The following STK24 variants were observed in gnomAD, a reference collection of about 807,000 sequenced individuals.
STK24 encodes the protein serine/threonine-protein kinase 24.
In STK24, 21 loss-of-function variants were observed where a neutral mutation model predicts 55.6. That is an observed-to-expected ratio of 0.38 (90% CI 0.27 to 0.54). The LOEUF is 0.54. Ranked by LOEUF, STK24 falls within the 20% of genes least tolerant of loss-of-function variation. STK24 has a pLI of 0.79. For missense variants in STK24, 383 were observed against 538.4 expected (o/e 0.71, Z 2.86); for synonymous variants, 200 against 215.2 (o/e 0.93, Z 0.62).
In STK24 at chr13:98,532,065, C is replaced by T. The variant is rs561028233; in HGVS notation, c.43-12592G>A. On this transcript the variant is annotated intron_variant, in intron 1 of 10. Transcript: ENST00000539966. ...AATCTTTGGGGAAGGGCCCCACCCC[C>T]CATCAGCTTAGTTAAGCTAACCAGA... Among the ~76,000 whole-genome samples the T allele has an allele frequency of 2.0e-5, 3 of 152,298 alleles. No individual in the cohort carries two copies. The South Asian group carries it at 6.2e-4, about 32-fold the overall frequency.
chr13:98,555,959 G>C (rs12863303), intron 1 of STK24, among the ~76,000 whole-genome samples: 98 of 151,594 alleles, frequency 6.5e-4, no homozygotes, highest in Non-Finnish European at 1.3e-3. Context: ...TGGGATTACA[G>C]GCGTGAGCCA....
At chr13:98,486,054 C>T (rs768140918) in intron 2 of STK24, among the ~76,000 whole-genome samples, 5 of 151,960 alleles carry the variant, frequency 3.3e-5, no homozygotes, top group African/African-American at 4.8e-5. Context: ...TGGGGCCTGT[C>T]GGAGGGTGGT....
At chr13:98,460,311 G>T (rs1466350387) in intron 9 of STK24, 61 bp downstream of exon 9, 2 of 1,455,082 alleles carry the variant, frequency 1.4e-6, no homozygotes, top group African/African-American at 1.4e-5. Flanking sequence ...CACCACTGAA[G>T]TGTGTCCAGC....
At chr13:98,529,975 C>T (rs1314717212) in intron 1 of STK24, among the ~76,000 whole-genome samples, 1 of 152,140 alleles carries the variant, frequency 6.6e-6, no homozygotes, top group Non-Finnish European at 1.5e-5. Context: ...GGAAAGAAGG[C>T]TCTACTCCAC....
chr13:98,460,375 T>C lies in STK24; in HGVS notation c.1119A>G (p.Ala373=), dbSNP rs759086863. The C allele has an allele frequency of 2.5e-6, 4 of 1,612,980 alleles. No homozygotes were observed. The highest frequency in any genetic ancestry group is 2.7e-5 in the African/African-American group (2 of 74,870). ...AAAAGGCCAGCCAGGTACCTACCTC[T>C]GCAAACAGAGGAGAAATAATTGTAG... The part of the protein sequence containing the change: ...CLSTIISPLF[A]ELKEKSQACG... The change falls in exon 9 of 11, where the codon GCA becomes GCG. Residue 373 remains alanine (A), a synonymous_variant. Coordinates refer to ENST00000539966, the MANE Select transcript of STK24 (RefSeq NM_001032296.4).
At chr13:98,509,812 A>G (rs745940112) in intron 2 of STK24, among the ~76,000 whole-genome samples, 18 of 151,272 alleles carry the variant, frequency 1.2e-4, no homozygotes, top group Non-Finnish European at 2.1e-4. Flanking sequence ...TCCCTCTTAT[A>G]TAATGTATAC....
In STK24 at chr13:98,464,545, G is replaced by A. The variant is rs1444978895; in HGVS notation, c.784-709C>T. Among the ~76,000 whole-genome samples, 7 of 140,102 alleles carry A rather than the reference G, an allele frequency of 5.0e-5. No individual in the cohort carries two copies. The South Asian group carries it at 7.0e-4, about 14-fold the overall frequency. 91.9% of individuals were successfully genotyped at this position (140,102 alleles called of 152,430 possible). On this transcript the variant is annotated intron_variant, in intron 6 of 10. Coordinates refer to ENST00000539966, the MANE Select transcript of STK24 (RefSeq NM_001032296.4). The stretch of plus-strand genomic sequence containing the variant: ...CAGTTTTGCTCTTGTTGCCCAGGCT[G>A]GAGTGCAGTGGCACGATTTCGGCTC...
At chr13:98,506,421 G>A (rs1895682166) in intron 2 of STK24, among the ~76,000 whole-genome samples, 1 of 152,212 alleles carries the variant, frequency 6.6e-6, no homozygotes, top group South Asian at 2.1e-4. Context: ...AACATCCACA[G>A]GTGAGGAACA....
chr13:98,462,362 C>A (rs1174613499), intron 7 of STK24, among the ~76,000 whole-genome samples: 1 of 152,106 alleles, frequency 6.6e-6, no homozygotes, highest in Non-Finnish European at 1.5e-5. Context: ...TATTTGGTAC[C>A]CTCCACTCGC....
At chr13:98,551,875 T>A (rs1476273194) in intron 1 of STK24, among the ~76,000 whole-genome samples, 4 of 152,178 alleles carry the variant, frequency 2.6e-5, no homozygotes, top group Non-Finnish European at 5.9e-5. Context: ...GAAATGAGCA[T>A]CATGTCTCAT....
At chr13:98,524,005 G>C (rs1896347382) in intron 1 of STK24, among the ~76,000 whole-genome samples, 2 of 152,178 alleles carry the variant, frequency 1.3e-5, no homozygotes, top group African/African-American at 4.8e-5. Flanking sequence ...AATTCTTGTT[G>C]AGCTGAGGCT....
intron 1 of STK24, among the ~76,000 whole-genome samples, chr13:98,564,376 C>G (rs138521051): frequency 3.9e-5 from 6 of 152,194 alleles, no homozygotes; most frequent in Admixed American, 1.3e-4. Context: ...CTTCCCCTTA[C>G]GAGGGCTCCC....
intron 2 of STK24, among the ~76,000 whole-genome samples, chr13:98,495,703 C>T (rs1257138206): frequency 1.3e-5 from 2 of 152,222 alleles, no homozygotes; most frequent in Admixed American, 1.3e-4. Flanking sequence ...TCCTCGGACA[C>T]ATTTCAAAGC....
chr13:98,522,131 T>C (rs79401254), intron 1 of STK24: 41,162 of 1,232,442 alleles, frequency 0.033, 816 homozygotes, highest in South Asian at 0.055. Flanking sequence ...TGTCTGAGCC[T>C]TGTCAACCAC....
intron 1 of STK24, among the ~76,000 whole-genome samples, chr13:98,576,539 C>T (rs567601438): frequency 1.1e-3 from 170 of 152,182 alleles, no homozygotes; most frequent in African/African-American, 4.0e-3. Context: ...GGCTCCTGCA[C>T]GCACACGCCG....
chr13:98,467,597 T>C (rs903972081), intron 5 of STK24, among the ~76,000 whole-genome samples: 2 of 152,142 alleles, frequency 1.3e-5, no homozygotes, highest in Non-Finnish European at 2.9e-5. Flanking sequence ...GCTGATGTCA[T>C]TTACTGTGTC....
intron 10 of STK24, chr13:98,455,365 C>CAAGT (rs1452896752): frequency 6.6e-6 from 1 of 152,162 alleles, no homozygotes; most frequent in East Asian, 1.9e-4. Context: ...CTCAGCCTCC[C>CAAGT]AAGTAGCTAG....
intron 2 of STK24, among the ~76,000 whole-genome samples, chr13:98,495,199 C>G (rs1490823266): frequency 6.6e-6 from 1 of 152,200 alleles, no homozygotes; most frequent in Admixed American, 6.5e-5. Flanking sequence ...TCATGCTGTC[C>G]TACAAGAACT....
chr13:98,535,365 A>AAAC (rs1566391923), intron 1 of STK24, among the ~76,000 whole-genome samples: 1 of 102,348 alleles, frequency 9.8e-6, no homozygotes, highest in African/African-American at 4.7e-5. Context: ...AACAAACAAA[A>AAAC]AAAAAATATA....
Sources: gnomAD v4.1 joint callset for allele counts (sites outside exome capture counted in the v4.1 genomes callset) on GRCh38, gnomAD v4.1.1 for gene constraint, MANE v1.5 for transcripts, NCBI Gene and HGNC (gene_info 2026-07-23, HGNC 2026-07-21) for gene names.